The following CFHR5 variants were observed in gnomAD, a reference collection of about 807,000 sequenced individuals.
The protein encoded by CFHR5 is complement factor H related 5.
In CFHR5, 73 loss-of-function variants were observed where a neutral mutation model predicts 62.9. That is an observed-to-expected ratio of 1.16 (90% CI 0.96 to 1.41). The LOEUF (loss-of-function observed/expected upper bound fraction) is 1.41. CFHR5 is among the 40% of genes most tolerant of loss of function. CFHR5 has a pLI of 0.00. For synonymous variants in CFHR5, 249 were observed against 227.2 expected, an observed-to-expected ratio of 1.10 and a Z score of -0.86; for missense variants, 779 against 679.9, an observed-to-expected ratio of 1.15 and a Z score of -1.62.
At chr1:196,981,961 C>T (rs1212356128) in intron 1 of CFHR5, among the ~76,000 whole-genome samples, 1 of 151,008 alleles carries the variant, frequency 6.6e-6, no homozygotes, top group Non-Finnish European at 1.5e-5. Context: ...ACAGCATTTA[C>T]CAGAATTTAG....
chr1:196,977,866 G>C (rs956815760), intron 1 of CFHR5, 144 bp downstream of exon 1: 1 of 722,270 alleles, frequency 1.4e-6, no homozygotes, highest in Non-Finnish European at 2.4e-6. Context: ...CTATTTTCTG[G>C]AAATATTTTC....
intron 3 of CFHR5, 108 bp from the exon 4 acceptor site, chr1:196,993,972 A>ATT: frequency 1.2e-6 from 1 of 843,702 alleles, no homozygotes; most frequent in Non-Finnish European, 1.9e-6. Flanking sequence ...GCAAGAATAT[A>ATT]TTTTATACTC....
chr1:196,999,695 A>G (rs35810489), intron 7 of CFHR5, among the ~76,000 whole-genome samples: 3,969 of 38,014 alleles, frequency 0.1, 121 homozygotes, highest in Middle Eastern at 0.18. Context: ...ATATATATAT[A>G]TATATATATA....
chr1:197,003,682 T>C (rs1050635625), intron 8 of CFHR5, among the ~76,000 whole-genome samples: 1 of 152,132 alleles, frequency 6.6e-6, no homozygotes, highest in Non-Finnish European at 1.5e-5. Context: ...AATTGCAGTG[T>C]GTTCAAGAAA....
At chr1:197,001,097 G>C (rs890693225) in intron 7 of CFHR5, among the ~76,000 whole-genome samples, 3 of 152,122 alleles carry the variant, frequency 2.0e-5, no homozygotes, top group Admixed American at 2.0e-4. Flanking sequence ...GACTGGTCTT[G>C]TTAATGGTTG....
upstream of CFHR5, among the ~76,000 whole-genome samples, chr1:196,976,972 A>T (rs9427941): frequency 0.013 from 1,988 of 150,544 alleles, 42 homozygotes; most frequent in African/African-American, 0.046. Context: ...GCCTGGCTAA[A>T]TTTTTTTTGT....
intron 6 of CFHR5, among the ~76,000 whole-genome samples, chr1:196,997,741 T>A (rs1414923514): frequency 6.6e-6 from 1 of 152,144 alleles, no homozygotes; most frequent in Non-Finnish European, 1.5e-5. Flanking sequence ...ACCCATGTAT[T>A]GCCTCTTTTT....
intron 3 of CFHR5, among the ~76,000 whole-genome samples, chr1:196,984,968 T>C (rs1653642675): frequency 1.3e-5 from 2 of 152,182 alleles, no homozygotes; most frequent in Admixed American, 1.3e-4. Context: ...TCATTGACTT[T>C]GCTTTATTAT....
At chr1:196,979,525 A>G (rs1265772171) in intron 1 of CFHR5, among the ~76,000 whole-genome samples, 2 of 152,140 alleles carry the variant, frequency 1.3e-5, no homozygotes, top group Admixed American at 1.3e-4. Flanking sequence ...TAAACATATA[A>G]AAGGTACAAT....
Position 196,991,560 on chromosome 1 carries a change from TC to T in CFHR5, c.431-2518del, listed in dbSNP as rs1653847759. 2.0e-5 allele frequency among the ~76,000 whole-genome samples: 3 copies of T among 152,292 alleles called. No individual in the cohort carries two copies. In the South Asian group the frequency reaches 6.2e-4, roughly 32 times the overall value. On this transcript the variant is annotated intron_variant, in intron 3 of 9. Transcript: ENST00000256785. ...TACAGATGGGGTTTTGTTGTGGATG[TC>T]CTTTTTGTGGATGTTGATGCTATTT...
At chr1:196,996,583 G>A (rs1286177370) in intron 6 of CFHR5, among the ~76,000 whole-genome samples, 3 of 152,088 alleles carry the variant, frequency 2.0e-5, no homozygotes, top group Non-Finnish European at 4.4e-5. Context: ...TTGGGATATT[G>A]TATTTCTACA....
At chr1:196,976,214 C>T (rs1398460447), upstream of CFHR5, among the ~76,000 whole-genome samples, 1 of 152,070 alleles carries the variant, frequency 6.6e-6, no homozygotes, top group Non-Finnish European at 1.5e-5. Context: ...ATGTGCATTC[C>T]CATTGACTTC....
chr1:196,992,702 C>A (rs1653879555), intron 3 of CFHR5, among the ~76,000 whole-genome samples: 1 of 151,988 alleles, frequency 6.6e-6, no homozygotes, highest in African/African-American at 2.4e-5. Flanking sequence ...TTGTTTTTAA[C>A]AATTAGTTAA....
chr1:197,007,846 C>T (rs145448534), intron 9 of CFHR5, among the ~76,000 whole-genome samples: 1,671 of 146,144 alleles, frequency 0.011, 29 homozygotes, highest in African/African-American at 0.037. Context: ...TATATTTATA[C>T]ATTAGATATA....
At chr1:196,980,540 C>T (rs966732804) in intron 1 of CFHR5, among the ~76,000 whole-genome samples, 9 of 151,762 alleles carry the variant, frequency 5.9e-5, no homozygotes, top group African/African-American at 1.9e-4. Flanking sequence ...AGTGATCAGT[C>T]ATTGACCAAA....
At chr1:197,003,178 T>G (rs1249482627) in intron 8 of CFHR5, among the ~76,000 whole-genome samples, 1 of 152,160 alleles carries the variant, frequency 6.6e-6, no homozygotes, top group South Asian at 2.1e-4. Context: ...CTAGGTCCCT[T>G]GCATGTGCAG....
chr1:196,984,390 T>C (rs1453415471), intron 3 of CFHR5, among the ~76,000 whole-genome samples: 1 of 152,130 alleles, frequency 6.6e-6, no homozygotes, highest in Non-Finnish European at 1.5e-5. Context: ...GTAACAACTG[T>C]TTGTTGTTTA....
intron 3 of CFHR5, 48 bp downstream of exon 3, chr1:196,984,185 A>G: frequency 1.4e-6 from 2 of 1,463,358 alleles, no homozygotes; most frequent in South Asian, 1.2e-5. Flanking sequence ...TTAAAGAAAT[A>G]AATCTATAGT....
intron 1 of CFHR5, among the ~76,000 whole-genome samples, chr1:196,981,635 A>G (rs1183452801): frequency 2.0e-5 from 3 of 152,038 alleles, no homozygotes; most frequent in Admixed American, 6.5e-5. Context: ...AAATATATCC[A>G]GTAGTATCCT....
Sources: allele counts gnomAD v4.1 joint callset (sites outside exome capture counted in the v4.1 genomes callset), GRCh38; gene constraint gnomAD v4.1.1; transcripts MANE v1.5; gene names NCBI Gene and HGNC (gene_info 2026-07-23, HGNC 2026-07-21).